Variants in SLC4A1 observed in about 807,000 individuals in gnomAD.
The protein encoded by SLC4A1 is solute carrier family 4 member 1 (Diego blood group).
Under a neutral mutation model 93.1 loss-of-function variants are expected in SLC4A1, and 29 were observed. The ratio of observed to expected loss-of-function variants is 0.31; its 90% CI spans 0.23 to 0.42. The LOEUF is 0.42. SLC4A1 is among the 20% of genes least tolerant of loss of function. SLC4A1 has a pLI of 1.00. For synonymous variants in SLC4A1, 469 were observed against 497.2 expected (o/e 0.94, Z 0.76); for missense variants, 965 against 1,190.1 (o/e 0.81, Z 2.78).
At position 44,253,147 on chromosome 17, in the gene SLC4A1, A is replaced by T; in HGVS notation, c.2282T>A (p.Ile761Asn). Reference sequence around the variant, plus strand: ...AAGCACAGCGACCAGGAGTCCACTGATCCGCTGCTCTTTGACCTCCTGGAT... The same window carrying T: ...AAGCACAGCGACCAGGAGTCCACTGTTCCGCTGCTCTTTGACCTCCTGGAT... Reference protein sequence around the residue: ...AQIQEVKEQRISGLLVAVLVG... With the variant: ...AQIQEVKEQRNSGLLVAVLVG... Residue 761 changes from isoleucine (I) to asparagine (N), a missense_variant, in exon 17 of 20, where the codon ATC becomes AAC. Transcript: ENST00000262418. The T allele has an allele frequency of 6.2e-7, 1 of 1,613,272 alleles. No homozygotes were observed. The highest frequency in any genetic ancestry group is 8.5e-7 in the Non-Finnish European group (1 of 1,180,026).
At position 44,251,497 on chromosome 17, in the gene SLC4A1, G is replaced by A. The variant is rs375505263; in HGVS notation, c.2403C>T (p.Ser801=). 1.7e-5 allele frequency: 27 copies of A among 1,614,024 alleles called. No individual in the cohort carries two copies. Among genetic ancestry groups the A allele is most frequent in the Middle Eastern group, 1.6e-4 (1 of 6,084 alleles). ...AGATGCGGTCAAAGAGCTGGATGCC[G>A]CTGAGCGACGTGACCCCCATGTAGA... is the stretch of plus-strand genomic sequence containing the variant. ...IFLYMGVTSL[S]GIQLFDRILL... The change falls in exon 18 of 20, where the codon AGC becomes AGT. Residue 801 remains serine, a synonymous_variant. Transcript: ENST00000262418.
chr17:44,251,255 C>T lies in SLC4A1; in HGVS notation c.2559G>A (p.Thr853=). ...CLAVLWVVKS[T]PASLALPFVL... ...CGAAGGGCAGGGCCAGGGAGGCCGG[C>T]GTGGACTTCACCACCCACAGCACTG... The change falls in exon 19 of 20, where the codon ACG becomes ACA. Residue 853 remains threonine (T), a synonymous_variant. Coordinates refer to ENST00000262418, the MANE Select transcript of SLC4A1 (RefSeq NM_000342.4). 9.3e-6 allele frequency: 15 copies of T among 1,614,202 alleles called. No homozygotes were observed. Among genetic ancestry groups the T allele is most frequent in the Middle Eastern group, 1.7e-4 (1 of 6,060 alleles).
chr17:44,264,271 C>A (rs369508191), intron 1 of SLC4A1, among the ~76,000 whole-genome samples: 10 of 152,184 alleles, frequency 6.6e-5, no homozygotes, highest in African/African-American at 2.4e-4. Context: ...ACCAACTGGG[C>A]AACATAGTGA....
intron 4 of SLC4A1, among the ~76,000 whole-genome samples, chr17:44,261,179 G>A (rs2047441164): frequency 6.6e-6 from 1 of 152,218 alleles, no homozygotes; most frequent in African/African-American, 2.4e-5. Flanking sequence ...CCAGGTGGTT[G>A]CTCCAAGGGC....
At chr17:44,262,470 A>G (rs1567836098) in intron 3 of SLC4A1, among the ~76,000 whole-genome samples, 166 bp downstream of exon 3, 2 of 152,188 alleles carry the variant, frequency 1.3e-5, no homozygotes, top group African/African-American at 4.8e-5. Context: ...TCCTGTGATC[A>G]TTTCAAACAA....
At chr17:44,262,229 C>T (rs2047452001) in intron 3 of SLC4A1, among the ~76,000 whole-genome samples, 1 of 152,130 alleles carries the variant, frequency 6.6e-6, no homozygotes, top group African/African-American at 2.4e-5. Flanking sequence ...CTTGGACAGG[C>T]CAGGGAAGGC....
rs759706586 is a variant in SLC4A1 at position 44,250,442 on chromosome 17, G to T, written c.*16C>A. 11 of 1,600,086 alleles carry T rather than the reference G, an allele frequency of 6.9e-6. No homozygotes were observed. In the South Asian group the frequency reaches 1.2e-4, roughly 18 times the overall value. ...TGTGGAATGGTGGGGGAGGGTCTAGGGCCTGGGCCCGCCCCTCACACAGGC... is the reference window on the plus strand; with the variant it reads ...TGTGGAATGGTGGGGGAGGGTCTAGTGCCTGGGCCCGCCCCTCACACAGGC... On this transcript the variant is annotated 3_prime_UTR_variant, in exon 20 of 20. Coordinates refer to ENST00000262418, the MANE Select transcript of SLC4A1 (RefSeq NM_000342.4).
intron 19 of SLC4A1, among the ~76,000 whole-genome samples, chr17:44,250,883 G>C (rs2047332242): frequency 1.3e-5 from 2 of 152,168 alleles, no homozygotes; most frequent in Admixed American, 1.3e-4. Flanking sequence ...AGGACTTGCT[G>C]CTTAGGGGTC....
intron 1 of SLC4A1, among the ~76,000 whole-genome samples, chr17:44,265,851 C>G (rs1247428508): frequency 4.6e-5 from 7 of 152,060 alleles, no homozygotes; most frequent in African/African-American, 1.7e-4. Context: ...CGTGGTGGCG[C>G]ATGCCTGTAA....
chr17:44,259,650 C>T (rs2047423976), intron 7 of SLC4A1, 69 bp from the exon 8 acceptor site: 1 of 1,514,560 alleles, frequency 6.6e-7, no homozygotes. Context: ...GCATCCTCCC[C>T]TTCCCATTCT....
At chr17:44,251,718 T>TTA (rs2047342324) in intron 17 of SLC4A1, 130 bp from the exon 18 acceptor site, 71 of 553,362 alleles carry the variant, frequency 1.3e-4, no homozygotes, top group Non-Finnish European at 1.7e-4. Flanking sequence ...TCCTTTTCTT[T>TTA]TCTTTTTTTT....
At chr17:44,262,152 C>A in intron 3 of SLC4A1, 6 of 756,222 alleles carry the variant, frequency 7.9e-6, no homozygotes, top group Non-Finnish European at 1.0e-5. Flanking sequence ...TAACTTTAAT[C>A]CCAATCTCCA....
intron 13 of SLC4A1, 130 bp from the exon 14 acceptor site, chr17:44,255,976 T>TCTA: frequency 4.7e-6 from 4 of 853,266 alleles, no homozygotes; most frequent in South Asian, 4.1e-5. Flanking sequence ...TCCATCCATT[T>TCTA]ATCCACCCAT....
intron 16 of SLC4A1, 36 bp downstream of exon 16, chr17:44,254,457 TCCC>T: frequency 6.0e-5 from 77 of 1,282,660 alleles, no homozygotes; most frequent in Non-Finnish European, 6.7e-5. Flanking sequence ...GGTCCCTGCC[TCCC>T]ACCCTCCCAG....
rs941106311 is a variant in SLC4A1, at chr17:44,248,667, G to C, written c.*1791C>G. The C allele has an allele frequency of 6.5e-6, 1 of 154,034 alleles. No individual in the cohort carries two copies. Among genetic ancestry groups the C allele is most frequent in the Non-Finnish European group, 1.4e-5 (1 of 69,652 alleles). 9.5% of individuals were successfully genotyped at this position (154,034 alleles called of 1,614,324 possible). ...CCATTATCATCCCCATTTTACAGAC[G>C]AGGAAACTGAACTGTAGCATGGGCG... is the stretch of plus-strand genomic sequence containing the variant. On this transcript the variant is annotated 3_prime_UTR_variant, in exon 20 of 20. Coordinates refer to ENST00000262418, the MANE Select transcript of SLC4A1 (RefSeq NM_000342.4).
Position 44,255,263 on chromosome 17 carries a change from T to C in SLC4A1, c.1834A>G (p.Ile612Val). The change falls in exon 15 of 20, where the codon ATC becomes GTC. Residue 612 changes from isoleucine (I) to valine (V), a missense_variant. Ile to Val is a conservative substitution (Grantham distance 29, BLOSUM62 3). Around this residue, in one of 2 missense-constraint regions of SLC4A1, gnomAD observed 770 missense variants for 1,006.6 expected, o/e 0.76. Coordinates refer to ENST00000262418, the MANE Select transcript of SLC4A1 (RefSeq NM_000342.4). ...RRVIGDFGVP[I>V]SILIMVLVDF... is the part of the protein sequence containing the mutation. ...ACCAGGACCATGATCAGGATGGAGA[T>C]GGGGACCCCGAAGTCCCCGATGACC... 1 of 1,554,642 alleles carries C rather than the reference T, an allele frequency of 6.4e-7. No individual in the cohort carries two copies. Among genetic ancestry groups the C allele is most frequent in the Non-Finnish European group, 8.7e-7 (1 of 1,149,308 alleles).
rs112590340 is a variant in SLC4A1, at chr17:44,260,750, C to T, written c.234G>A (p.Ala78=). Residue 78 remains alanine, a synonymous_variant, in exon 5 of 20, where the codon GCG becomes GCA. Coordinates refer to ENST00000262418, the MANE Select transcript of SLC4A1 (RefSeq NM_000342.4). Reference sequence around the variant, plus strand: ...TCTCCTCCAGTTGCACCCAGCGCGCCGCCTCCATCCATCTCAGCTCCTGGT... The same window carrying T: ...TCTCCTCCAGTTGCACCCAGCGCGCTGCCTCCATCCATCTCAGCTCCTGGT... The part of the protein sequence containing the change: ...EKNQELRWME[A]ARWVQLEENL... 99 of 1,614,086 alleles carry T rather than the reference C, an allele frequency of 6.1e-5. 4 individuals are homozygous for T. Among genetic ancestry groups the T allele is most frequent in the African/African-American group, 5.7e-4 (43 of 75,048 alleles).
At chr17:44,266,625 G>A (rs1197999726) in intron 1 of SLC4A1, among the ~76,000 whole-genome samples, 4 of 152,174 alleles carry the variant, frequency 2.6e-5, no homozygotes, top group Non-Finnish European at 5.9e-5. Context: ...GGTGCCTTGA[G>A]CTCAGTTGGA....
intron 1 of SLC4A1, among the ~76,000 whole-genome samples, chr17:44,266,077 A>G (rs1022872784): frequency 1.4e-4 from 21 of 151,570 alleles, no homozygotes; most frequent in Admixed American, 1.4e-3. Flanking sequence ...GGATTACTGG[A>G]TCTCACCAGA....
Sources: allele counts gnomAD v4.1 joint callset (sites outside exome capture counted in the v4.1 genomes callset), GRCh38; gene constraint gnomAD v4.1.1; regional missense constraint gnomAD v4.1.1; transcripts MANE v1.5; gene names NCBI Gene and HGNC (gene_info 2026-07-23, HGNC 2026-07-21).